Variants in LGI2 observed in about 807,000 individuals in gnomAD.
The protein encoded by LGI2 is leucine rich repeat LGI family member 2, also known as leucine-rich repeat LGI family member 2.
A neutral mutation model predicts 52.0 loss-of-function variants in LGI2; 30 were observed. That is an observed-to-expected ratio of 0.58 (90% CI 0.43 to 0.78). The LOEUF (loss-of-function observed/expected upper bound fraction) is 0.78. LGI2 is among the 30% of genes least tolerant of loss of function. The pLI, the probability that LGI2 is intolerant of heterozygous loss-of-function variation, is 0.00. For synonymous variants in LGI2, 270 were observed against 271.8 expected (o/e 0.99, Z 0.06); for missense variants, 573 against 692.5 (o/e 0.83, Z 1.94).
At chr4:24,998,211 G>T (rs537820679), downstream of LGI2, among the ~76,000 whole-genome samples, 4 of 152,108 alleles carry the variant, frequency 2.6e-5, no homozygotes, top group Non-Finnish European at 4.4e-5. Context: ...TTGTATTGTT[G>T]ACTATAGCAT....
chr4:25,020,297 C>T (rs1725914209), intron 4 of LGI2, among the ~76,000 whole-genome samples: 1 of 152,196 alleles, frequency 6.6e-6, no homozygotes, highest in Admixed American at 6.5e-5. Context: ...TTAGTCCACA[C>T]CCCACCTCCA....
chr4:24,996,736 C>T (rs2109396988), downstream of LGI2, among the ~76,000 whole-genome samples: 1 of 152,324 alleles, frequency 6.6e-6, no homozygotes, highest in African/African-American at 2.4e-5. Flanking sequence ...CAGGACCCTG[C>T]ATCATTTCTG....
At chr4:25,012,230 G>A (rs1485103770) in intron 7 of LGI2, 105 bp downstream of exon 7, 1 of 1,306,854 alleles carries the variant, frequency 7.7e-7, no homozygotes, top group Non-Finnish European at 1.1e-6. Flanking sequence ...CTCTAACCAG[G>A]TTAGAGAGCC....
intron 6 of LGI2, among the ~76,000 whole-genome samples, chr4:25,015,791 C>A (rs1481498173): frequency 6.6e-6 from 1 of 151,788 alleles, no homozygotes; most frequent in East Asian, 1.9e-4. Context: ...GAACCCCGAA[C>A]ACTCAAAATT....
At chr4:24,995,359 T>A (rs980300467), downstream of LGI2, among the ~76,000 whole-genome samples, 1 of 152,212 alleles carries the variant, frequency 6.6e-6, no homozygotes, top group South Asian at 2.1e-4. Context: ...AAACAACAAA[T>A]GCTTATTGTC....
intron 7 of LGI2, among the ~76,000 whole-genome samples, chr4:25,008,789 C>G (rs536952083): frequency 2.6e-4 from 39 of 152,216 alleles, no homozygotes; most frequent in Non-Finnish European, 4.4e-4. Context: ...AAAAGAGGAG[C>G]CGGGTGGGCT....
At chr4:25,012,217 CA>C in intron 7 of LGI2, 117 bp downstream of exon 7, 1 of 1,129,160 alleles carries the variant, frequency 8.9e-7, no homozygotes, top group Non-Finnish European at 1.3e-6. Flanking sequence ...ACGTGTTCCC[CA>C]GCTCTAACCA....
Position 25,000,130 on chromosome 4 carries a change from G to T in LGI2, c.*3321C>A. ...GTTAAATGGACCAGTTGATTGAATG[G>T]TGTCTATTCAGTATGATTTTTCTTC... On this transcript the variant is annotated 3_prime_UTR_variant, in exon 8 of 8. Coordinates refer to ENST00000382114, the MANE Select transcript of LGI2 (RefSeq NM_018176.4). The T allele has an allele frequency of 4.5e-6, 1 of 221,636 alleles. No homozygotes were observed. Among genetic ancestry groups the T allele is most frequent in the Non-Finnish European group, 9.1e-6 (1 of 109,570 alleles). 13.7% of individuals were successfully genotyped at this position (221,636 alleles called of 1,614,324 possible).
downstream of LGI2, among the ~76,000 whole-genome samples, chr4:24,996,369 CA>C (rs2109396555): frequency 1.3e-5 from 2 of 152,224 alleles, no homozygotes; most frequent in East Asian, 3.9e-4. Flanking sequence ...AAGACTCAAG[CA>C]AAAAGTTTAT....
At chr4:25,012,957 T>G (rs1213935557) in intron 6 of LGI2, among the ~76,000 whole-genome samples, 1 of 152,212 alleles carries the variant, frequency 6.6e-6, no homozygotes, top group African/African-American at 2.4e-5. Context: ...AGAAGTCTGT[T>G]TTTTGTTTGA....
At chr4:25,028,392 C>T in intron 2 of LGI2, 115 bp downstream of exon 2, 1 of 870,058 alleles carries the variant, frequency 1.1e-6, no homozygotes, top group Non-Finnish European at 1.8e-6. Flanking sequence ...CAGCCACGGT[C>T]TCCTCACGGA....
chr4:25,029,912 G>A (rs1018413221), intron 1 of LGI2, among the ~76,000 whole-genome samples: 2 of 152,186 alleles, frequency 1.3e-5, no homozygotes, highest in African/African-American at 2.4e-5. Context: ...GAGCCTGCAT[G>A]CCTTGACCTC....
intron 7 of LGI2, among the ~76,000 whole-genome samples, chr4:25,008,911 C>T (rs767998092): frequency 6.6e-6 from 1 of 152,200 alleles, no homozygotes; most frequent in Non-Finnish European, 1.5e-5. Context: ...CACACCCACT[C>T]GGATCGCACT....
intron 6 of LGI2, among the ~76,000 whole-genome samples, chr4:25,014,263 A>G (rs866907397): frequency 8.5e-5 from 13 of 152,174 alleles, no homozygotes; most frequent in African/African-American, 3.1e-4. Flanking sequence ...TGTAGACTAG[A>G]AAGTTTCTGT....
In LGI2 at chr4:25,003,922, C is replaced by A. The variant is rs759830304; in HGVS notation, c.1167G>T (p.Leu389=). 2.5e-6 allele frequency: 4 copies of A among 1,614,128 alleles called. No homozygotes were observed. The highest frequency in any genetic ancestry group is 3.3e-5 in the Admixed American group (2 of 60,014). Residue 389 remains leucine (L), a synonymous_variant, in exon 8 of 8, where the codon CTG becomes CTT. Coordinates refer to ENST00000382114, the MANE Select transcript of LGI2 (RefSeq NM_018176.4). ...TGATGGGGACCTGGGAGCGGCTGGA[C>A]AGGATGAGATGCGATTTTCCATCGA... ...VDIDGKSHLI[L]SSRSQVPIIL...
chr4:25,025,075 C>T lies in LGI2; in HGVS notation c.342-184G>A, dbSNP rs112194882. Among the ~76,000 whole-genome samples the T allele has an allele frequency of 6.0e-3, 916 of 152,254 alleles. 12 individuals carry two copies. Among genetic ancestry groups the T allele is most frequent in the African/African-American group, 0.021 (877 of 41,552 alleles). ...CAGGATGTATGCAAAAATGCGTGCA[C>T]GGGAGTGTGTGGTCTGCACTCCTTC... On this transcript the variant is annotated intron_variant, in intron 3 of 7. Coordinates refer to ENST00000382114, the MANE Select transcript of LGI2 (RefSeq NM_018176.4).
chr4:25,011,097 C>A (rs1201040025), intron 7 of LGI2, among the ~76,000 whole-genome samples: 1 of 147,532 alleles, frequency 6.8e-6, no homozygotes, highest in Non-Finnish European at 1.5e-5. Flanking sequence ...AAAAAAAAAT[C>A]AAAAAAACCA....
intron 2 of LGI2, among the ~76,000 whole-genome samples, chr4:25,027,944 C>T (rs1726200452): frequency 6.6e-6 from 1 of 152,200 alleles, no homozygotes; most frequent in Non-Finnish European, 1.5e-5. Flanking sequence ...GCTTTTGGCC[C>T]TGGACTAGAA....
At chr4:25,024,769 C>G (rs549870253) in intron 4 of LGI2, 51 bp downstream of exon 4, 11 of 1,266,188 alleles carry the variant, frequency 8.7e-6, no homozygotes, top group African/African-American at 3.0e-5. Context: ...TCCAGGAAAC[C>G]AATCTTACTC....
Sources: gnomAD v4.1 joint callset for allele counts (sites outside exome capture counted in the v4.1 genomes callset) on GRCh38, gnomAD v4.1.1 for gene constraint, MANE v1.5 for transcripts, NCBI Gene and HGNC (gene_info 2026-07-23, HGNC 2026-07-21) for gene names.